PTPRT: variants seen among roughly 807,000 people sequenced by gnomAD.
PTPRT encodes protein tyrosine phosphatase receptor type T.
PTPRT carries 56 observed loss-of-function variants against 176.8 expected under a neutral mutation model. That is an observed-to-expected ratio of 0.32 (90% CI 0.26 to 0.40). The LOEUF is 0.40. PTPRT is among the 10% of genes least tolerant of loss of function. The probability of loss-of-function intolerance (pLI) is 1.00; values close to 1 mark genes in which losing one functional copy is unlikely to be tolerated. For missense variants in PTPRT, 1,540 were observed against 1,908.2 expected, an observed-to-expected ratio of 0.81 and a Z score of 3.60; for synonymous variants, 783 against 739.0, an observed-to-expected ratio of 1.06 and a Z score of -0.96.
At chr20:43,081,597 T>A (rs998279704) in intron 1 of PTPRT, among the ~76,000 whole-genome samples, 31 of 152,160 alleles carry the variant, frequency 2.0e-4, no homozygotes, top group African/African-American at 7.0e-4. Flanking sequence ...TATTTTTCCA[T>A]CCCCCTTTTA....
At chr20:42,833,412 A>T (rs1569181682) in intron 2 of PTPRT, among the ~76,000 whole-genome samples, 1 of 151,654 alleles carries the variant, frequency 6.6e-6, no homozygotes, top group Non-Finnish European at 1.5e-5. Flanking sequence ...CATCTCTGAA[A>T]AAATAAATAA....
At chr20:42,717,051 C>T (rs1221628633) in intron 6 of PTPRT, among the ~76,000 whole-genome samples, 3 of 102,818 alleles carry the variant, frequency 2.9e-5, no homozygotes, top group South Asian at 3.5e-4. Context: ...TGGGGGGAGG[C>T]GGGAGGGATA....
At chr20:42,817,444 T>C (rs2077808346) in intron 2 of PTPRT, among the ~76,000 whole-genome samples, 1 of 151,238 alleles carries the variant, frequency 6.6e-6, no homozygotes, top group South Asian at 2.1e-4. Flanking sequence ...CCTATCAATG[T>C]GTACACAATA....
At chr20:42,184,011 A>AT (rs778571562) in intron 16 of PTPRT, among the ~76,000 whole-genome samples, 10 of 152,188 alleles carry the variant, frequency 6.6e-5, no homozygotes, top group Non-Finnish European at 1.2e-4. Context: ...ATTTTAGCAT[A>AT]GGGGTTGAAT....
intron 16 of PTPRT, among the ~76,000 whole-genome samples, chr20:42,188,567 C>A (rs1990870558): frequency 6.6e-6 from 1 of 152,024 alleles, no homozygotes; most frequent in Admixed American, 6.6e-5. Context: ...AAAATGTTAG[C>A]TAGTAGAATT....
intron 13 of PTPRT, among the ~76,000 whole-genome samples, chr20:42,251,780 T>C (rs898168210): frequency 7.5e-5 from 11 of 147,640 alleles, no homozygotes; most frequent in African/African-American, 2.3e-4. Context: ...GAGGGAAAGA[T>C]GAAAAAGAAG....
Position 42,988,646 on chromosome 20 carries a change from T to C in PTPRT, c.89-102714A>G, listed in dbSNP as rs571157755. ...GACCAGCAGAGCCACTGACTTTTTA[T>C]TAGATGCTTCTCCCAGGCAATAAAC... On this transcript the variant is annotated intron_variant, in intron 1 of 30. Transcript: ENST00000373187. Among the ~76,000 whole-genome samples the C allele has an allele frequency of 4.6e-5, 7 of 152,322 alleles. No individual in the cohort carries two copies. In the South Asian group the frequency reaches 1.5e-3, roughly 32 times the overall value.
chr20:43,137,685 G>A (rs73106039), intron 1 of PTPRT, among the ~76,000 whole-genome samples: 10,558 of 152,194 alleles, frequency 0.069, 622 homozygotes, highest in African/African-American at 0.16. Context: ...ACGCTATAGT[G>A]GCCTCTCTCC....
At chr20:43,093,685 A>T (rs2011982314) in intron 1 of PTPRT, among the ~76,000 whole-genome samples, 1 of 152,148 alleles carries the variant, frequency 6.6e-6, no homozygotes, top group Non-Finnish European at 1.5e-5. Context: ...CCAATGCCCC[A>T]CTGGCTTCCC....
At chr20:42,780,373 C>G in intron 3 of PTPRT, 74 bp from the exon 4 acceptor site, 1 of 1,182,528 alleles carries the variant, frequency 8.5e-7, no homozygotes, top group Non-Finnish European at 1.3e-6. Flanking sequence ...TGCCCGGCCC[C>G]CAGCCCTTTA....
chr20:42,154,708 C>A (rs1600600694), intron 17 of PTPRT, among the ~76,000 whole-genome samples: 1 of 152,176 alleles, frequency 6.6e-6, no homozygotes, highest in Non-Finnish European at 1.5e-5. Flanking sequence ...CCAATTCTCC[C>A]TTTTCTTCCC....
intron 7 of PTPRT, among the ~76,000 whole-genome samples, chr20:42,609,476 C>G (rs1201854752): frequency 6.6e-6 from 1 of 152,154 alleles, no homozygotes; most frequent in East Asian, 1.9e-4. Context: ...AAAACTGAAG[C>G]CACGAGAGGA....
intron 1 of PTPRT, among the ~76,000 whole-genome samples, chr20:43,136,139 A>C (rs1236561084): frequency 6.6e-6 from 1 of 152,244 alleles, no homozygotes; most frequent in Non-Finnish European, 1.5e-5. Flanking sequence ...TCACCTGAGC[A>C]GCTGCAGCCC....
chr20:42,881,477 C>T (rs1225835203), intron 2 of PTPRT, among the ~76,000 whole-genome samples: 1 of 152,106 alleles, frequency 6.6e-6, no homozygotes, highest in Non-Finnish European at 1.5e-5. Context: ...GTAATCCCAG[C>T]ACTTTGGGAG....
At chr20:42,982,028 A>G (rs1983312875) in intron 1 of PTPRT, among the ~76,000 whole-genome samples, 1 of 152,204 alleles carries the variant, frequency 6.6e-6, no homozygotes, top group South Asian at 2.1e-4. Context: ...ATAAGTCCCT[A>G]AACTCATCTG....
intron 6 of PTPRT, among the ~76,000 whole-genome samples, chr20:42,736,573 G>C (rs1399777080): frequency 6.6e-6 from 1 of 152,232 alleles, no homozygotes; most frequent in African/African-American, 2.4e-5. Context: ...TGCTATACAT[G>C]TGTAGTTTCA....
At chr20:42,784,886 C>T (rs1352084623) in intron 3 of PTPRT, among the ~76,000 whole-genome samples, 11 of 152,034 alleles carry the variant, frequency 7.2e-5, no homozygotes, top group Admixed American at 7.2e-4. Context: ...ATTAACATCA[C>T]CTAGAAAGGA....
intron 2 of PTPRT, among the ~76,000 whole-genome samples, chr20:42,857,146 C>T (rs142468435): frequency 6.6e-6 from 1 of 152,330 alleles, no homozygotes; most frequent in East Asian, 1.9e-4. Context: ...TTAGCTCTAG[C>T]ACTCACTATG....
intron 17 of PTPRT, among the ~76,000 whole-genome samples, chr20:42,149,278 G>A (rs1428128793): frequency 2.6e-5 from 4 of 152,188 alleles, no homozygotes; most frequent in Admixed American, 2.6e-4. Flanking sequence ...TCTAGAAAGG[G>A]AGGCTCTCCA....
Sources: allele counts gnomAD v4.1 joint callset (sites outside exome capture counted in the v4.1 genomes callset), GRCh38; gene constraint gnomAD v4.1.1; transcripts MANE v1.5; gene names NCBI Gene and HGNC (gene_info 2026-07-23, HGNC 2026-07-21).